SPAG6: variants seen among roughly 807,000 people sequenced by gnomAD.
SPAG6 encodes the protein sperm-associated antigen 6.
Under a neutral mutation model 58.5 loss-of-function variants are expected in SPAG6, and 49 were observed. That is an observed-to-expected ratio of 0.84 (90% CI 0.67 to 1.06). The LOEUF (loss-of-function observed/expected upper bound fraction) is 1.06. SPAG6 is among the 50% of genes least tolerant of loss of function. SPAG6 has a pLI of 0.00. For synonymous variants in SPAG6, 233 were observed against 225.6 expected (o/e 1.03, Z -0.29); for missense variants, 560 against 611.3 (o/e 0.92, Z 0.89).
At chr10:22,408,816 A>G (rs939290841) in intron 9 of SPAG6, among the ~76,000 whole-genome samples, 1 of 152,194 alleles carries the variant, frequency 6.6e-6, no homozygotes, top group East Asian at 1.9e-4. Context: ...CCTCCGAGCC[A>G]TGTGTGGGAT....
rs1588655759 is a variant in SPAG6, at chr10:22,381,873, C to T, written c.473-4881C>T. On this transcript the variant is annotated intron_variant, in intron 4 of 10. Transcript: ENST00000376624. ...GTTCTCTTTTTGTTTTAAACTTAAA[C>T]CTAAAGTCATACTGAGGTTTTTGAT... 2.0e-5 allele frequency among the ~76,000 whole-genome samples: 3 copies of T among 152,100 alleles called. No individual in the cohort carries two copies. The South Asian group carries it at 6.2e-4, about 31-fold the overall frequency.
chr10:22,381,691 A>G (rs767382550), intron 4 of SPAG6, among the ~76,000 whole-genome samples: 1 of 152,162 alleles, frequency 6.6e-6, no homozygotes. Context: ...TTATTTACCT[A>G]GTAACAACCA....
chr10:22,363,526 A>G (rs1392474449), intron 2 of SPAG6, among the ~76,000 whole-genome samples: 2 of 152,216 alleles, frequency 1.3e-5, no homozygotes, highest in Non-Finnish European at 2.9e-5. Flanking sequence ...TAGCCAACTT[A>G]GGCACGAAAC....
At chr10:22,370,622 A>AAAATAGAAAT (rs1564366711) in intron 4 of SPAG6, among the ~76,000 whole-genome samples, 1 of 152,246 alleles carries the variant, frequency 6.6e-6, no homozygotes, top group Non-Finnish European at 1.5e-5. Flanking sequence ...TATTACAGAC[A>AAAATAGAAAT]AAATAGAAAT....
At chr10:22,350,405 G>A (rs892084237) in intron 2 of SPAG6, among the ~76,000 whole-genome samples, 1 of 151,848 alleles carries the variant, frequency 6.6e-6, no homozygotes, top group African/African-American at 2.4e-5. Context: ...TAGAGTCAGG[G>A]TTAGGCTCTA....
chr10:22,353,493 G>T (rs771139095), intron 2 of SPAG6, among the ~76,000 whole-genome samples: 1 of 152,188 alleles, frequency 6.6e-6, no homozygotes, highest in Non-Finnish European at 1.5e-5. Flanking sequence ...AAAGTGCTAC[G>T]CACGTACCTG....
chr10:22,398,868 G>A (rs1834351043), intron 8 of SPAG6, among the ~76,000 whole-genome samples: 1 of 151,928 alleles, frequency 6.6e-6, no homozygotes, highest in Non-Finnish European at 1.5e-5. Flanking sequence ...GCCCAGGCTG[G>A]AGTGCAATGG....
intron 4 of SPAG6, among the ~76,000 whole-genome samples, chr10:22,371,032 C>T (rs994271708): frequency 1.3e-5 from 2 of 152,116 alleles, no homozygotes; most frequent in Non-Finnish European, 2.9e-5. Flanking sequence ...CAGGATCTGT[C>T]TTAGGGGTTC....
At chr10:22,404,986 T>C (rs1180765705) in intron 9 of SPAG6, among the ~76,000 whole-genome samples, 4 of 151,880 alleles carry the variant, frequency 2.6e-5, no homozygotes, top group Non-Finnish European at 5.9e-5. Context: ...ACATTGATTT[T>C]GTATCCTGAG....
intron 8 of SPAG6, 139 bp from the exon 9 acceptor site, chr10:22,401,015 TGGACAAC>T: frequency 3.4e-6 from 2 of 581,360 alleles, no homozygotes; most frequent in Non-Finnish European, 3.0e-6. Context: ...GAGTTTTTTT[TGGACAAC>T]AATTTTAAAA....
At chr10:22,416,102 A>T (rs1300276379) in intron 10 of SPAG6, among the ~76,000 whole-genome samples, 1 of 152,140 alleles carries the variant, frequency 6.6e-6, no homozygotes, top group Admixed American at 6.5e-5. Context: ...ATTATATTTT[A>T]TTAAATAGTT....
intron 8 of SPAG6, among the ~76,000 whole-genome samples, chr10:22,400,873 G>T (rs1211914646): frequency 6.6e-6 from 1 of 151,954 alleles, no homozygotes; most frequent in African/African-American, 2.4e-5. Context: ...TTAATTTATA[G>T]TCTGTAACTT....
At chr10:22,405,761 T>C (rs1834537353) in intron 9 of SPAG6, among the ~76,000 whole-genome samples, 1 of 152,252 alleles carries the variant, frequency 6.6e-6, no homozygotes, top group Non-Finnish European at 1.5e-5. Flanking sequence ...TGAATCCATC[T>C]GGTCTTGGAC....
intron 4 of SPAG6, among the ~76,000 whole-genome samples, chr10:22,374,604 A>G (rs966693142): frequency 1.4e-5 from 2 of 139,680 alleles, no homozygotes; most frequent in Admixed American, 7.2e-5. Context: ...CCTGTATGTA[A>G]AAAAAAAAAA....
At chr10:22,365,320 T>C (rs1019418470) in intron 3 of SPAG6, among the ~76,000 whole-genome samples, 1 of 152,156 alleles carries the variant, frequency 6.6e-6, no homozygotes, top group Non-Finnish European at 1.5e-5. Context: ...CTTAGGGAAG[T>C]ATGTAGACCC....
chr10:22,354,643 C>G (rs1176011951), intron 2 of SPAG6, among the ~76,000 whole-genome samples: 1 of 152,280 alleles, frequency 6.6e-6, no homozygotes, highest in African/African-American at 2.4e-5. Context: ...AATCCAACTT[C>G]GCATAGCTTT....
In SPAG6 at chr10:22,416,884, G is replaced by C; in HGVS notation, c.*196G>C. On this transcript the variant is annotated 3_prime_UTR_variant, in exon 11 of 11. Transcript: ENST00000376624. The stretch of plus-strand genomic sequence containing the variant: ...TGTGAGGAACTATTCATGGTCATTC[G>C]CATGCATAGGATTTGTTCTACAGGT... 2.4e-6 allele frequency: 1 copy of C among 424,420 alleles called. No homozygotes were observed. The highest frequency in any genetic ancestry group is 4.3e-6 in the Non-Finnish European group (1 of 233,462). 26.3% of individuals were successfully genotyped at this position (424,420 alleles called of 1,614,324 possible). A position where few individuals can be genotyped will look rare whatever the true frequency, so the allele number is the denominator to read the frequency against.
At chr10:22,379,460 G>T (rs1833901189) in intron 4 of SPAG6, among the ~76,000 whole-genome samples, 2 of 152,188 alleles carry the variant, frequency 1.3e-5, no homozygotes, top group South Asian at 4.1e-4. Context: ...TGAATCACTT[G>T]GGTCCTCTCT....
chr10:22,415,457 T>C (rs1345923871), intron 10 of SPAG6, among the ~76,000 whole-genome samples: 1 of 152,140 alleles, frequency 6.6e-6, no homozygotes, highest in African/African-American at 2.4e-5. Flanking sequence ...AGTGTAAGAA[T>C]ACTTCGAAGA....
Sources: allele counts gnomAD v4.1 joint callset (sites outside exome capture counted in the v4.1 genomes callset), GRCh38; gene constraint gnomAD v4.1.1; transcripts MANE v1.5; gene names NCBI Gene and HGNC (gene_info 2026-07-23, HGNC 2026-07-21).